The following SDSL variants were observed in gnomAD, a reference collection of about 807,000 sequenced individuals.
SDSL encodes the protein serine dehydratase like.
Under a neutral mutation model 27.6 loss-of-function variants are expected in SDSL, and 26 were observed. That is an observed-to-expected ratio of 0.94 (90% CI 0.69 to 1.31). SDSL has a LOEUF of 1.31. SDSL is among the 50% of genes most tolerant of loss of function. The pLI, the probability that SDSL is intolerant of heterozygous loss-of-function variation, is 0.00. For missense variants in SDSL, 431 were observed against 423.5 expected (o/e 1.02, Z -0.16); for synonymous variants, 196 against 180.6 (o/e 1.09, Z -0.69).
Position 113,436,833 on chromosome 12 carries a change from G to C in SDSL, c.754G>C (p.Val252Leu), listed in dbSNP as rs755254153. The C allele has an allele frequency of 6.2e-7, 1 of 1,611,910 alleles. No individual in the cohort carries two copies. Among genetic ancestry groups the C allele is most frequent in the Non-Finnish European group, 8.5e-7 (1 of 1,179,600 alleles). ...MQVCKIHSEV[V>L]EDTEAVSAVQ... The stretch of plus-strand genomic sequence containing the variant: ...GGTGTGCAAGATTCACTCTGAAGTG[G>C]TGGAGGACACCGAGGCTGTGAGCGC... The change falls in exon 7 of 8, where the codon GTG (valine) becomes CTG (leucine). Residue 252 changes from valine to leucine, a missense_variant. Transcript: ENST00000403593.
At chr12:113,435,582 A>G in intron 6 of SDSL, 26 bp downstream of exon 6, 1 of 1,581,488 alleles carries the variant, frequency 6.3e-7, no homozygotes, top group Non-Finnish European at 8.7e-7. Context: ...GGACATTTGT[A>G]GGGGCTGGAG....
intron 1 of SDSL, chr12:113,426,404 A>G (rs1043965316): frequency 3.0e-5 from 10 of 338,230 alleles, no homozygotes; most frequent in Admixed American, 1.9e-4. Flanking sequence ...CCAACCACAG[A>G]ATCAGCCACT....
At chr12:113,431,556 A>G (rs34650138) in intron 4 of SDSL, among the ~76,000 whole-genome samples, 4,447 of 151,890 alleles carry the variant, frequency 0.029, 98 homozygotes, top group Middle Eastern at 0.096. Flanking sequence ...CAAGTAGTGA[A>G]CATAGTACCA....
chr12:113,423,417 G>C (rs1399034759), intron 1 of SDSL, among the ~76,000 whole-genome samples: 3 of 152,104 alleles, frequency 2.0e-5, no homozygotes, highest in African/African-American at 7.2e-5. Flanking sequence ...CAGGTTCACT[G>C]TTTATAAAAT....
chr12:113,432,298 C>CTT, intron 4 of SDSL, among the ~76,000 whole-genome samples: 3 of 146,798 alleles, frequency 2.0e-5, no homozygotes, highest in African/African-American at 7.8e-5. Flanking sequence ...CTTTCTCTCT[C>CTT]TCTCTTTCTG....
At chr12:113,425,576 C>G (rs988255815) in intron 1 of SDSL, 18 of 440,382 alleles carry the variant, frequency 4.1e-5, no homozygotes, top group African/African-American at 3.6e-4. Flanking sequence ...CTGCCTGGGA[C>G]AAGAGGAGCT....
At chr12:113,431,267 A>C (rs1005979401) in intron 4 of SDSL, among the ~76,000 whole-genome samples, 1 of 152,050 alleles carries the variant, frequency 6.6e-6, no homozygotes, top group Non-Finnish European at 1.5e-5. Flanking sequence ...AGGTGAAGCT[A>C]ATGTGTTTCC....
At chr12:113,435,293 C>T in intron 5 of SDSL, 36 bp from the exon 6 acceptor site, 3 of 1,427,256 alleles carry the variant, frequency 2.1e-6, no homozygotes, top group Non-Finnish European at 2.8e-6. Flanking sequence ...GGGGTCCTCC[C>T]TCACTCTGCT....
chr12:113,428,327 G>T, intron 2 of SDSL, 93 bp from the exon 3 acceptor site: 1 of 1,374,824 alleles, frequency 7.3e-7, no homozygotes, highest in Non-Finnish European at 1.0e-6. Context: ...AAGGCGTATT[G>T]GGAGTGGGAT....
intron 4 of SDSL, among the ~76,000 whole-genome samples, chr12:113,430,444 C>T (rs892473617): frequency 3.3e-5 from 5 of 152,066 alleles, no homozygotes; most frequent in Admixed American, 6.6e-5. Flanking sequence ...CATTTGTTTC[C>T]GATGCTTTGG....
At chr12:113,429,719 T>C (rs570324714) in intron 4 of SDSL, among the ~76,000 whole-genome samples, 12 of 152,080 alleles carry the variant, frequency 7.9e-5, no homozygotes, top group Non-Finnish European at 1.3e-4. Flanking sequence ...TATCACCGGT[T>C]CCCTTTGTTA....
chr12:113,433,316 C>T (rs886715924), intron 4 of SDSL, among the ~76,000 whole-genome samples: 1 of 152,160 alleles, frequency 6.6e-6, no homozygotes, highest in African/African-American at 2.4e-5. Context: ...TAGTTCTGCC[C>T]CCCTTGTGAC....
At position 113,437,991 on chromosome 12, in the gene SDSL, T is replaced by C; in HGVS notation, c.902T>C (p.Leu301Pro). The C allele has an allele frequency of 1.2e-6, 2 of 1,614,204 alleles. No individual in the cohort carries two copies. Among genetic ancestry groups the C allele is most frequent in the Non-Finnish European group, 1.7e-6 (2 of 1,180,026 alleles). Residue 301 changes from leucine to proline, a missense_variant, in exon 8 of 8, where the codon CTG (leucine) becomes CCG (proline). By Grantham distance (98) the Leu-to-Pro change is moderately conservative. Transcript: ENST00000403593. ...GCCGAGGGCTGCCTGCCCCCTTCCCTGACTTCAGTTGTGGTAATCGTGTGT... is the reference window on the plus strand; with the variant it reads ...GCCGAGGGCTGCCTGCCCCCTTCCCCGACTTCAGTTGTGGTAATCGTGTGT... ...LQAEGCLPPS[L>P]TSVVVIVCGG...
At chr12:113,432,986 CA>C (rs1957953076) in intron 4 of SDSL, among the ~76,000 whole-genome samples, 1 of 152,178 alleles carries the variant, frequency 6.6e-6, no homozygotes, top group African/African-American at 2.4e-5. Context: ...CACACAAATG[CA>C]GATCTTTTTG....
Position 113,435,379 on chromosome 12 carries a change from C to T in SDSL, c.494C>T (p.Pro165Leu), listed in dbSNP as rs770272883. ...GAGCTGAAAGCAGTGCTGAGGACCC[C>T]ACCAGGTGCCCTGGTGCTGGCAGTT... Reference protein sequence around the residue: ...VQELKAVLRTPPGALVLAVGG... With the variant: ...VQELKAVLRTLPGALVLAVGG... The change falls in exon 6 of 8, where the codon CCA becomes CTA. Residue 165 changes from proline to leucine, a missense_variant. Pro to Leu is a moderately conservative substitution (Grantham distance 98). Transcript: ENST00000403593. 9 of 1,602,388 alleles carry T rather than the reference C, an allele frequency of 5.6e-6. No individual in the cohort carries two copies. Among genetic ancestry groups the T allele is most frequent in the Admixed American group, 1.7e-5 (1 of 58,000 alleles).
At chr12:113,437,752 G>C in intron 7 of SDSL, 134 bp from the exon 8 acceptor site, 1 of 778,952 alleles carries the variant, frequency 1.3e-6, no homozygotes, top group East Asian at 2.6e-5. Context: ...ACAAGTGATG[G>C]ATTGCCAGCA....
At chr12:113,429,410 C>G in intron 4 of SDSL, 111 bp downstream of exon 4, 1 of 1,205,446 alleles carries the variant, frequency 8.3e-7, no homozygotes, top group Non-Finnish European at 1.2e-6. Context: ...TGGCTGGGAC[C>G]CAGTCCTCTC....
chr12:113,430,029 C>A (rs904344221), intron 4 of SDSL, among the ~76,000 whole-genome samples: 11 of 141,100 alleles, frequency 7.8e-5, no homozygotes, highest in Non-Finnish European at 1.5e-4. Context: ...CTCCTTCCTT[C>A]CTTCTTTTCT....
rs563595891 is a variant in SDSL at position 113,426,093 on chromosome 12, C to A, written c.-21-1869C>A. ...TAACAACCAAACTCCTCTCCGTGGG[C>A]GGGAACCCCCTGCTGGCACCCTTGT... On this transcript the variant is annotated intron_variant, in intron 1 of 7. Coordinates refer to ENST00000403593, the MANE Select transcript of SDSL (RefSeq NM_001304993.2). 18 of 443,476 alleles carry A rather than the reference C, an allele frequency of 4.1e-5. No individual in the cohort carries two copies. The East Asian group carries it at 1.3e-3, about 31-fold the overall frequency. 27.5% of individuals were successfully genotyped at this position (443,476 alleles called of 1,614,324 possible).
Sources: allele counts gnomAD v4.1 joint callset (sites outside exome capture counted in the v4.1 genomes callset), GRCh38; gene constraint gnomAD v4.1.1; transcripts MANE v1.5; gene names NCBI Gene and HGNC (gene_info 2026-07-23, HGNC 2026-07-21).